GIGYF2: variants seen among roughly 807,000 people sequenced by gnomAD.
The protein encoded by GIGYF2 is GRB10-interacting GYF protein 2.
In GIGYF2, 25 loss-of-function variants were observed where a neutral mutation model predicts 208.1. The ratio of observed to expected loss-of-function variants is 0.12; its 90% CI spans 0.09 to 0.17. The LOEUF (loss-of-function observed/expected upper bound fraction) is 0.17, where lower values mean the gene tolerates loss of function less well. Ranked by LOEUF, GIGYF2 falls within the 10% of genes least tolerant of loss-of-function variation. GIGYF2 has a pLI of 1.00. For missense variants in GIGYF2, 1,302 were observed against 1,579.4 expected, an observed-to-expected ratio of 0.82 and a Z score of 2.98; for synonymous variants, 534 against 543.8, an observed-to-expected ratio of 0.98 and a Z score of 0.25.
chr2:232,856,933 TACTC>T lies in GIGYF2; in HGVS notation c.*76_*79del, dbSNP rs1370609820. The T allele has an allele frequency of 1.1e-6, 1 of 947,294 alleles. No individual in the cohort carries two copies. Among genetic ancestry groups the T allele is most frequent in the South Asian group, 1.3e-5 (1 of 77,918 alleles). The allele number at this position is 947,294 out of a possible 1,614,324, so 58.7% of individuals were successfully genotyped here. A position where few individuals can be genotyped will look rare whatever the true frequency, so the allele number is the denominator to read the frequency against. On this transcript the variant is annotated 3_prime_UTR_variant, in exon 29 of 29. Transcript: ENST00000373563. The stretch of plus-strand genomic sequence containing the variant: ...AGTCTCCACCTTTGGACACAACACT[TACTC>T]ACCATTTACTCTTTATCACTCTGCA...
intron 2 of GIGYF2, among the ~76,000 whole-genome samples, chr2:232,710,049 T>C (rs972424344): frequency 6.6e-6 from 1 of 151,896 alleles, no homozygotes; most frequent in Non-Finnish European, 1.5e-5. Context: ...AAGCTCTGCC[T>C]CCCGGGTTCA....
intron 8 of GIGYF2, chr2:232,768,588 A>G: frequency 6.2e-7 from 1 of 1,614,172 alleles, no homozygotes; most frequent in Middle Eastern, 1.6e-4. Flanking sequence ...GTCAGAACTG[A>G]TGCCATCAAG....
At chr2:232,740,249 G>A (rs1425033849) in intron 3 of GIGYF2, among the ~76,000 whole-genome samples, 5 of 152,136 alleles carry the variant, frequency 3.3e-5, no homozygotes, top group Admixed American at 2.0e-4. Flanking sequence ...TCGGGCCTAG[G>A]CATTTGAGAC....
chr2:232,816,357 C>T (rs926870162), intron 19 of GIGYF2, among the ~76,000 whole-genome samples: 2 of 152,198 alleles, frequency 1.3e-5, no homozygotes, highest in Admixed American at 6.5e-5. Flanking sequence ...CCCCTGAGGT[C>T]GTGACAGTCT....
chr2:232,726,799 A>G (rs1358155085), intron 2 of GIGYF2, among the ~76,000 whole-genome samples: 2 of 152,192 alleles, frequency 1.3e-5, no homozygotes, highest in African/African-American at 4.8e-5. Context: ...ACTTAGGTGA[A>G]CTTCAATTTT....
chr2:232,709,602 A>C (rs1467035720), intron 2 of GIGYF2, among the ~76,000 whole-genome samples: 1 of 152,074 alleles, frequency 6.6e-6, no homozygotes, highest in Non-Finnish European at 1.5e-5. Flanking sequence ...CGAGGTCAAG[A>C]GTTCAAGACC....
At chr2:232,808,971 G>A (rs1700643856) in intron 15 of GIGYF2, among the ~76,000 whole-genome samples, 1 of 152,148 alleles carries the variant, frequency 6.6e-6, no homozygotes, top group African/African-American at 2.4e-5. Context: ...TTGAGACGGA[G>A]TCTTGCTCTG....
At chr2:232,855,850 C>T (rs1385926058) in intron 28 of GIGYF2, among the ~76,000 whole-genome samples, 1 of 152,144 alleles carries the variant, frequency 6.6e-6, no homozygotes, top group Admixed American at 6.5e-5. Flanking sequence ...CCTCCAGGGC[C>T]AGCCCAGCCT....
At chr2:232,716,899 G>T (rs1473480546) in intron 2 of GIGYF2, among the ~76,000 whole-genome samples, 1 of 151,636 alleles carries the variant, frequency 6.6e-6, no homozygotes, top group African/African-American at 2.4e-5. Context: ...TCAACCTCCT[G>T]GGCTCAGGTG....
At chr2:232,849,761 T>C (rs1329276254) in intron 27 of GIGYF2, among the ~76,000 whole-genome samples, 2 of 152,226 alleles carry the variant, frequency 1.3e-5, no homozygotes, top group African/African-American at 2.4e-5. Context: ...GTAGAAAGTA[T>C]ACAGACAGTA....
At chr2:232,836,294 A>T (rs75756517) in intron 22 of GIGYF2, among the ~76,000 whole-genome samples, 2,417 of 24,992 alleles carry the variant, frequency 0.097, 213 homozygotes, top group Non-Finnish European at 0.13. Flanking sequence ...ATATATATAT[A>T]TATATATATA....
rs528176619 is a variant in GIGYF2, at chr2:232,836,078, G to A, written c.2766+2985G>A. Among the ~76,000 whole-genome samples, 68 of 150,964 alleles carry A rather than the reference G, an allele frequency of 4.5e-4. 1 individual carries two copies. Among genetic ancestry groups the A allele is most frequent in the South Asian group, 1.3e-3 (6 of 4,788 alleles). On this transcript the variant is annotated intron_variant, in intron 22 of 28. Transcript: ENST00000373563. ...ACCTGCGAGTTAGCCCTGGGTAAAC[G>A]CTGCAGCTGCACATGCTGCCAGCAA...
intron 2 of GIGYF2, among the ~76,000 whole-genome samples, chr2:232,729,264 G>T (rs1697344035): frequency 6.6e-6 from 1 of 152,154 alleles, no homozygotes; most frequent in African/African-American, 2.4e-5. Flanking sequence ...ACAGGTGTGA[G>T]GCACTGCATC....
At chr2:232,839,634 T>A (rs1701757641) in intron 22 of GIGYF2, among the ~76,000 whole-genome samples, 1 of 152,162 alleles carries the variant, frequency 6.6e-6, no homozygotes, top group South Asian at 2.1e-4. Flanking sequence ...ATAAGTTGTT[T>A]TAAAATAAAC....
In GIGYF2 at chr2:232,759,008, G is replaced by T. The variant is rs1008738180; in HGVS notation, c.380-1472G>T. Among the ~76,000 whole-genome samples the T allele has an allele frequency of 2.6e-5, 4 of 152,144 alleles. No individual in the cohort carries two copies. In the East Asian group the frequency reaches 7.7e-4, roughly 29 times the overall value. ...GGTAACTTTATTATAGTTCCACCGT[G>T]CTTCTCACTTCCGTTTGACAAATGA... On this transcript the variant is annotated intron_variant, in intron 6 of 28. Transcript: ENST00000373563.
intron 3 of GIGYF2, chr2:232,735,656 G>A: frequency 1.0e-6 from 1 of 972,994 alleles, no homozygotes; most frequent in African/African-American, 1.8e-5. Context: ...TTGAAAGATG[G>A]GCTAGGCAGG....
At chr2:232,783,879 G>C (rs1699806897) in intron 8 of GIGYF2, among the ~76,000 whole-genome samples, 1 of 151,990 alleles carries the variant, frequency 6.6e-6, no homozygotes, top group African/African-American at 2.4e-5. Context: ...GTAGAGACGG[G>C]GTTTCTCCAT....
intron 3 of GIGYF2, among the ~76,000 whole-genome samples, chr2:232,742,532 CAG>C (rs2106306040): frequency 6.6e-6 from 1 of 152,248 alleles, no homozygotes; most frequent in Non-Finnish European, 1.5e-5. Flanking sequence ...GCCTGGGTAA[CAG>C]AGTGAGCCTC....
intron 14 of GIGYF2, 119 bp downstream of exon 14, chr2:232,796,340 G>A (rs570006653): frequency 1.2e-4 from 89 of 739,912 alleles, no homozygotes; most frequent in Middle Eastern, 2.6e-4. Context: ...GCACACACGC[G>A]CGCACACACG....
Sources: gnomAD v4.1 joint callset for allele counts (sites outside exome capture counted in the v4.1 genomes callset) on GRCh38, gnomAD v4.1.1 for gene constraint, MANE v1.5 for transcripts, NCBI Gene and HGNC (gene_info 2026-07-23, HGNC 2026-07-21) for gene names.